The following DENND1A variants were observed in gnomAD, a reference collection of about 807,000 sequenced individuals.
DENND1A encodes DENN domain-containing protein 1A.
Under a neutral mutation model 113.7 loss-of-function variants are expected in DENND1A, and 51 were observed. The observed-to-expected ratio is 0.45, with a 90% CI of 0.36 to 0.57. DENND1A has a LOEUF of 0.57. Ranked by LOEUF, DENND1A falls within the 20% of genes least tolerant of loss-of-function variation. DENND1A has a pLI of 0.00. For synonymous variants in DENND1A, 565 were observed against 570.8 expected (o/e 0.99, Z 0.14); for missense variants, 1,258 against 1,395.9 (o/e 0.90, Z 1.57).
At chr9:123,533,830 A>G (rs989698880) in intron 13 of DENND1A, among the ~76,000 whole-genome samples, 2 of 152,218 alleles carry the variant, frequency 1.3e-5, no homozygotes, top group Non-Finnish European at 1.5e-5. Context: ...GTTTACGTAC[A>G]TTCAAGCTGA....
intron 4 of DENND1A, among the ~76,000 whole-genome samples, chr9:123,766,121 C>T (rs1191277238): frequency 1.3e-5 from 2 of 152,198 alleles, no homozygotes; most frequent in Non-Finnish European, 2.9e-5. Context: ...GCTGAACAAG[C>T]TCTAGGCTCA....
At chr9:123,670,990 A>G (rs2139964616) in intron 7 of DENND1A, among the ~76,000 whole-genome samples, 1 of 152,250 alleles carries the variant, frequency 6.6e-6, no homozygotes, top group East Asian at 1.9e-4. Context: ...GGGACTGAAG[A>G]AGCAGGCGGA....
intron 19 of DENND1A, among the ~76,000 whole-genome samples, chr9:123,425,503 T>C (rs2045648184): frequency 6.6e-6 from 1 of 152,254 alleles, no homozygotes; most frequent in South Asian, 2.1e-4. Context: ...TGGATTTCTC[T>C]TGCTCTGCTG....
rs143003866 is a variant in DENND1A at position 123,774,721 on chromosome 9, T to C, written c.133-5158A>G. On this transcript the variant is annotated intron_variant, in intron 3 of 23. Coordinates refer to ENST00000394215, the MANE Select transcript of DENND1A (RefSeq NM_001352964.2). Reference sequence around the variant, plus strand: ...ATATTTACCCCTAGTTTACTTTTTATAAACTTCAGTTAATTGAGTCATATA... The same window carrying C: ...ATATTTACCCCTAGTTTACTTTTTACAAACTTCAGTTAATTGAGTCATATA... Among the ~76,000 whole-genome samples the C allele has an allele frequency of 3.6e-3, 548 of 152,310 alleles. 2 individuals are homozygous for C. Among genetic ancestry groups the C allele is most frequent in the African/African-American group, 0.013 (521 of 41,566 alleles).
chr9:123,544,234 C>T (rs1289123108), intron 13 of DENND1A, among the ~76,000 whole-genome samples: 1 of 152,082 alleles, frequency 6.6e-6, no homozygotes, highest in African/African-American at 2.4e-5. Flanking sequence ...CACTTCCCAG[C>T]GTTTTAAGTT....
At chr9:123,652,579 C>A (rs1166910762) in intron 8 of DENND1A, among the ~76,000 whole-genome samples, 2 of 152,118 alleles carry the variant, frequency 1.3e-5, no homozygotes, top group Non-Finnish European at 2.9e-5. Context: ...AAGAAAGTAC[C>A]CAGGGACCAA....
At chr9:123,593,482 C>A (rs1047934997) in intron 11 of DENND1A, among the ~76,000 whole-genome samples, 3 of 152,124 alleles carry the variant, frequency 2.0e-5, no homozygotes, top group African/African-American at 7.2e-5. Context: ...CCTGCAAAGA[C>A]ACTTTGCTCT....
intron 10 of DENND1A, among the ~76,000 whole-genome samples, chr9:123,620,993 CT>C (rs1487466073): frequency 6.6e-6 from 1 of 152,182 alleles, no homozygotes; most frequent in Non-Finnish European, 1.5e-5. Flanking sequence ...TTCATAAGCA[CT>C]TGCTGCAAAA....
chr9:123,675,652 C>T (rs2064033479), intron 6 of DENND1A, among the ~76,000 whole-genome samples: 1 of 152,168 alleles, frequency 6.6e-6, no homozygotes, highest in Non-Finnish European at 1.5e-5. Context: ...ATATCCAACT[C>T]ATTAATAATC....
intron 21 of DENND1A, among the ~76,000 whole-genome samples, chr9:123,396,845 G>A (rs567947334): frequency 2.0e-5 from 3 of 152,300 alleles, no homozygotes; most frequent in African/African-American, 4.8e-5. Context: ...TCAGATGTCC[G>A]GGAGTCCAGT....
At chr9:123,689,436 C>T (rs1226938528) in intron 5 of DENND1A, among the ~76,000 whole-genome samples, 1 of 152,174 alleles carries the variant, frequency 6.6e-6, no homozygotes, top group African/African-American at 2.4e-5. Context: ...AAAATGTACG[C>T]ATGAATCATT....
chr9:123,401,841 G>A (rs1468386652), intron 21 of DENND1A: 26 of 1,614,084 alleles, frequency 1.6e-5, no homozygotes, highest in African/African-American at 4.0e-5. Flanking sequence ...GCCTCTCGTC[G>A]GGAACTTGGC....
chr9:123,435,488 T>C (rs1251281048), intron 19 of DENND1A, among the ~76,000 whole-genome samples: 1 of 152,220 alleles, frequency 6.6e-6, no homozygotes, highest in East Asian at 1.9e-4. Context: ...TTTCAAACTT[T>C]ACATTAAAGA....
At chr9:123,663,254 T>C (rs1367225650) in intron 8 of DENND1A, among the ~76,000 whole-genome samples, 1 of 152,220 alleles carries the variant, frequency 6.6e-6, no homozygotes, top group African/African-American at 2.4e-5. Context: ...TATTTATGTT[T>C]AAAAACCATC....
At chr9:123,768,141 T>C (rs1208459365) in intron 4 of DENND1A, among the ~76,000 whole-genome samples, 1 of 152,200 alleles carries the variant, frequency 6.6e-6, no homozygotes, top group African/African-American at 2.4e-5. Flanking sequence ...TTAAGGCTAT[T>C]CTTTTTTGAG....
Position 123,523,110 on chromosome 9 carries a change from C to T in DENND1A, c.993+34460G>A, listed in dbSNP as rs896096967. 2.0e-5 allele frequency among the ~76,000 whole-genome samples: 3 copies of T among 152,116 alleles called. 1 individual carries two copies. The highest frequency in any genetic ancestry group is 2.0e-4 in the Admixed American group (3 of 15,270). ...ACAATTGGTAACATACTTAACAAACCAAAACAGATTTCAGGAGGGGTAAAG... is the reference window on the plus strand; with the variant it reads ...ACAATTGGTAACATACTTAACAAACTAAAACAGATTTCAGGAGGGGTAAAG... On this transcript the variant is annotated intron_variant, in intron 13 of 23. Transcript: ENST00000394215.
At chr9:123,400,049 CT>C (rs1377069328) in intron 21 of DENND1A, 1 of 152,266 alleles carries the variant, frequency 6.6e-6, no homozygotes, top group African/African-American at 2.4e-5. Flanking sequence ...ACGGAAGCCC[CT>C]GGGCGTCACA....
At chr9:123,411,575 C>G (rs1425251157) in intron 20 of DENND1A, 1 of 175,616 alleles carries the variant, frequency 5.7e-6, no homozygotes, top group Non-Finnish European at 1.1e-5. Flanking sequence ...CTGCAAGTCA[C>G]CAAACTTATT....
intron 2 of DENND1A, among the ~76,000 whole-genome samples, chr9:123,874,612 C>G (rs1847166312): frequency 6.6e-6 from 1 of 152,098 alleles, no homozygotes; most frequent in Non-Finnish European, 1.5e-5. Context: ...GGCAAAGGAG[C>G]AAGACTTTGT....
Sources: allele counts gnomAD v4.1 joint callset (sites outside exome capture counted in the v4.1 genomes callset), GRCh38; gene constraint gnomAD v4.1.1; transcripts MANE v1.5; gene names NCBI Gene and HGNC (gene_info 2026-07-23, HGNC 2026-07-21).